KALRN: variants seen among roughly 807,000 people sequenced by gnomAD.
KALRN encodes kalirin.
In KALRN, 70 loss-of-function variants were observed where a neutral mutation model predicts 353.7. The observed-to-expected ratio is 0.20, with a 90% CI of 0.16 to 0.24. KALRN has a LOEUF of 0.24. Among genes scored for constraint, KALRN ranks in the 10% least tolerant of loss-of-function variants. The probability of loss-of-function intolerance (pLI) is 1.00; values close to 1 mark genes in which losing one functional copy is unlikely to be tolerated. For missense variants in KALRN, 2,791 were observed against 3,756.7 expected (o/e 0.74, Z 6.72); for synonymous variants, 1,391 against 1,434.8 (o/e 0.97, Z 0.69).
At chr3:124,129,079 C>T (rs376394569) in intron 1 of KALRN, among the ~76,000 whole-genome samples, 5 of 152,024 alleles carry the variant, frequency 3.3e-5, no homozygotes, top group East Asian at 1.9e-4. Context: ...TGCGTACAGC[C>T]GTATTCAGCA....
chr3:124,495,965 G>A (rs201214334), intron 32 of KALRN, among the ~76,000 whole-genome samples: 7,309 of 40,348 alleles, frequency 0.18, 940 homozygotes, highest in East Asian at 0.34. Flanking sequence ...GTGTATGTAT[G>A]TATATATATA....
chr3:124,222,204 A>G (rs1260589774), intron 1 of KALRN, among the ~76,000 whole-genome samples: 2 of 152,232 alleles, frequency 1.3e-5, no homozygotes, highest in Non-Finnish European at 2.9e-5. Context: ...GGAATGGTTT[A>G]AGCTACCAAA....
intron 1 of KALRN, among the ~76,000 whole-genome samples, chr3:124,101,145 C>T (rs1227613937): frequency 6.6e-6 from 1 of 152,168 alleles, no homozygotes; most frequent in Non-Finnish European, 1.5e-5. Flanking sequence ...CAATGACTTT[C>T]TAGATAAACC....
intron 54 of KALRN, 128 bp downstream of exon 54, chr3:124,696,383 A>C (rs149493220): frequency 1.4e-6 from 1 of 694,836 alleles, no homozygotes. Context: ...CACTCCAACC[A>C]CCTCAGCCTC....
In KALRN at chr3:124,712,360, C is replaced by T. The variant is rs191490890; in HGVS notation, c.8076-575C>T. On this transcript the variant is annotated intron_variant, in intron 57 of 59. Coordinates refer to ENST00000682506, the MANE Select transcript of KALRN (RefSeq NM_001388419.1). ...ATAATAAAAATGTTTTTAAAATTAT[C>T]GTTGAGTAGAATTCCTCCTTCTTTA... Among the ~76,000 whole-genome samples the T allele has an allele frequency of 4.0e-4, 61 of 152,156 alleles. 1 individual carries two copies. The East Asian group carries it at 0.011, about 28-fold the overall frequency.
intron 9 of KALRN, among the ~76,000 whole-genome samples, chr3:124,340,471 C>T (rs546579690): frequency 2.0e-5 from 3 of 152,054 alleles, no homozygotes; most frequent in African/African-American, 4.8e-5. Context: ...TGCAGTGAGC[C>T]AAGACTGTGC....
chr3:124,345,682 G>C (rs145116803), intron 9 of KALRN, among the ~76,000 whole-genome samples: 1 of 152,038 alleles, frequency 6.6e-6, no homozygotes, highest in Non-Finnish European at 1.5e-5. Context: ...CATGATGATG[G>C]ACAATTACTC....
intron 19 of KALRN, among the ~76,000 whole-genome samples, chr3:124,445,856 A>G (rs2093820942): frequency 6.6e-6 from 1 of 152,212 alleles, no homozygotes; most frequent in South Asian, 2.1e-4. Flanking sequence ...TCTTAGAACC[A>G]AGGACTAATT....
intron 5 of KALRN, among the ~76,000 whole-genome samples, chr3:124,284,951 C>A (rs768025865): frequency 7.9e-5 from 12 of 152,200 alleles, no homozygotes; most frequent in Non-Finnish European, 1.6e-4. Context: ...AACTTCCTTG[C>A]AAGGCTGTTT....
rs1367064204 is a variant in KALRN, at chr3:124,072,273, CTTG to C, written c.73+38463_73+38465del. Among the ~76,000 whole-genome samples, 29 of 152,300 alleles carry C rather than the reference CTTG, an allele frequency of 1.9e-4. No homozygotes were observed. The East Asian group carries it at 5.4e-3, about 28-fold the overall frequency. On this transcript the variant is annotated intron_variant, in intron 1 of 59. Coordinates refer to ENST00000682506, the MANE Select transcript of KALRN (RefSeq NM_001388419.1). ...AGCTCAGTGCATTCTTATTCCTGGA[CTTG>C]TTCTGTTCCGATCTGCTCCCTGTAT...
intron 1 of KALRN, among the ~76,000 whole-genome samples, chr3:124,047,967 G>A (rs1480673444): frequency 1.3e-5 from 2 of 152,002 alleles, no homozygotes; most frequent in African/African-American, 2.4e-5. Context: ...TTTCCTTCTC[G>A]TCCTTTTTCC....
intron 59 of KALRN, among the ~76,000 whole-genome samples, chr3:124,717,652 C>T (rs567262871): frequency 4.0e-5 from 6 of 151,414 alleles, no homozygotes; most frequent in African/African-American, 9.7e-5. Flanking sequence ...GCCGAGATCG[C>T]GCCACTGCAC....
At chr3:124,270,909 A>T (rs1466605372) in intron 5 of KALRN, among the ~76,000 whole-genome samples, 11 of 143,128 alleles carry the variant, frequency 7.7e-5, no homozygotes, top group Non-Finnish European at 1.6e-4. Flanking sequence ...AGCTCACTGC[A>T]AGCTCCACCT....
At chr3:124,147,063 G>C (rs1403027706) in intron 1 of KALRN, among the ~76,000 whole-genome samples, 2 of 152,066 alleles carry the variant, frequency 1.3e-5, no homozygotes, top group Non-Finnish European at 2.9e-5. Context: ...AACTATGTGA[G>C]ATAATAGCGC....
chr3:124,261,220 T>A (rs1335967123), intron 3 of KALRN, among the ~76,000 whole-genome samples: 1 of 152,138 alleles, frequency 6.6e-6, no homozygotes, highest in East Asian at 1.9e-4. Flanking sequence ...GGTTTTGAAT[T>A]TTCGCTTAGC....
At chr3:124,131,364 A>G (rs955369892) in intron 1 of KALRN, among the ~76,000 whole-genome samples, 1 of 152,204 alleles carries the variant, frequency 6.6e-6, no homozygotes, top group Non-Finnish European at 1.5e-5. Flanking sequence ...TCAGTTCTTC[A>G]AGGAGTATAT....
chr3:124,368,524 C>T lies in KALRN; in HGVS notation c.1771-16321C>T, dbSNP rs1576353767. Among the ~76,000 whole-genome samples the T allele has an allele frequency of 2.0e-5, 3 of 150,260 alleles. 1 individual carries two copies. The highest frequency in any genetic ancestry group is 2.1e-4 in the South Asian group (1 of 4,678). On this transcript the variant is annotated intron_variant, in intron 10 of 59. Transcript: ENST00000682506. Reference sequence around the variant, plus strand: ...GTGATGGTGGCTGGGAAGAGGCACTCCTCACTTCCTAGATGGGATGGCGGC... The same window carrying T: ...GTGATGGTGGCTGGGAAGAGGCACTTCTCACTTCCTAGATGGGATGGCGGC...
At chr3:124,296,215 C>G (rs976614637) in intron 5 of KALRN, among the ~76,000 whole-genome samples, 1 of 152,150 alleles carries the variant, frequency 6.6e-6, no homozygotes, top group Non-Finnish European at 1.5e-5. Context: ...TGGATACCTC[C>G]CCTTGAAACT....
intron 34 of KALRN, among the ~76,000 whole-genome samples, chr3:124,595,714 T>G (rs532462523): frequency 3.9e-5 from 6 of 152,294 alleles, no homozygotes; most frequent in African/African-American, 1.4e-4. Flanking sequence ...AAAGGAAGAA[T>G]GTACTATTTT....
Sources: gnomAD v4.1 joint callset for allele counts (sites outside exome capture counted in the v4.1 genomes callset) on GRCh38, gnomAD v4.1.1 for gene constraint, MANE v1.5 for transcripts, NCBI Gene and HGNC (gene_info 2026-07-23, HGNC 2026-07-21) for gene names.